NECAB2: variants seen among roughly 807,000 people sequenced by gnomAD.
The protein encoded by NECAB2 is N-terminal EF-hand calcium-binding protein 2.
A neutral mutation model predicts 51.9 loss-of-function variants in NECAB2; 68 were observed. The ratio of observed to expected loss-of-function variants is 1.31; its 90% confidence interval spans 1.08 to 1.60. NECAB2 has a LOEUF of 1.60. Among genes scored for constraint, NECAB2 ranks in the 40% most tolerant of loss-of-function variants. The probability of loss-of-function intolerance (pLI) is 0.00; values close to 1 mark genes in which losing one functional copy is unlikely to be tolerated. For missense variants in NECAB2, 854 were observed against 490.3 expected, an observed-to-expected ratio of 1.74 and a Z score of -7.00; for synonymous variants, 329 against 203.5, an observed-to-expected ratio of 1.62 and a Z score of -5.25.
In NECAB2 at chr16:83,981,932, C is replaced by T. The variant is rs564993255; in HGVS notation, c.459+805C>T. ...CCCAGCCTTGTCTGCCGGTTGAGGC[C>T]GGGGAACTTAGCTGATAAAGCCAGC... On this transcript the variant is annotated intron_variant, in intron 5 of 12. Transcript: ENST00000305202. 1.2e-4 allele frequency among the ~76,000 whole-genome samples: 19 copies of T among 152,224 alleles called. No homozygotes were observed. In the South Asian group the frequency reaches 1.5e-3, roughly 12 times the overall value.
rs781682532 is a variant in NECAB2 at position 84,002,300 on chromosome 16, G to GTGTC, written c.1133-16_1133-13dup. On this transcript the variant is annotated splice_polypyrimidine_tract_variant and intron_variant, in intron 12 of 12. Coordinates refer to ENST00000305202, the MANE Select transcript of NECAB2 (RefSeq NM_019065.3). ...CACATTCGCACTCCTTCCCTCTAAC[G>GTGTC]TGTCTCTCTCCTTTTAGCTGCTTGG... The GTGTC allele has an allele frequency of 6.2e-7, 1 of 1,613,714 alleles. No homozygotes were observed. Among genetic ancestry groups the GTGTC allele is most frequent in the East Asian group, 2.2e-5 (1 of 44,848 alleles).
rs2084483757 is a variant in NECAB2, at chr16:83,981,137, T to G, written c.459+10T>G. The G allele has an allele frequency of 6.2e-7, 1 of 1,604,914 alleles. No individual in the cohort carries two copies. Among genetic ancestry groups the G allele is most frequent in the East Asian group, 2.2e-5 (1 of 44,804 alleles). On this transcript the variant is annotated intron_variant, in intron 5 of 12. Transcript: ENST00000305202. ...GGGTTATACCAAGAAGGTCAGTGGGTGTAGGTGGCCCCCGGGGTCCAGGGC... is the reference window on the plus strand; with the variant it reads ...GGGTTATACCAAGAAGGTCAGTGGGGGTAGGTGGCCCCCGGGGTCCAGGGC...
chr16:83,999,950 A>C (rs145401281), intron 10 of NECAB2, among the ~76,000 whole-genome samples: 119 of 152,288 alleles, frequency 7.8e-4, no homozygotes, highest in African/African-American at 2.8e-3. Flanking sequence ...GTAGTAGTGG[A>C]AGCTCAGCTC....
intron 11 of NECAB2, 45 bp downstream of exon 11, chr16:84,000,846 G>T (rs2084816840): frequency 1.4e-6 from 2 of 1,387,200 alleles, no homozygotes; most frequent in Non-Finnish European, 2.0e-6. Context: ...ACAGAGGGAA[G>T]TGGGGGGGCT....
chr16:83,965,291 C>G (rs778309063), upstream of NECAB2: 1 of 1,600,968 alleles, frequency 6.2e-7, no homozygotes, highest in Non-Finnish European at 8.5e-7. Context: ...GCTGTGGGCC[C>G]GCAACGTGGT....
In NECAB2 at chr16:83,971,926, G is replaced by T. The variant is rs555112647; in HGVS notation, c.202-225G>T. Reference sequence around the variant, plus strand: ...TGGCTGGGAGCAGGCTGGTGGTACTGGCAGCCGCTTCCACGTGGGTGAGGG... The same window carrying T: ...TGGCTGGGAGCAGGCTGGTGGTACTTGCAGCCGCTTCCACGTGGGTGAGGG... On this transcript the variant is annotated intron_variant, in intron 1 of 12. Transcript: ENST00000305202. The T allele has an allele frequency of 1.8e-4, 112 of 613,710 alleles. No homozygotes were observed. The East Asian group carries it at 3.0e-3, about 17-fold the overall frequency. The allele number at this position is 613,710 out of a possible 1,614,324, so 38.0% of individuals were successfully genotyped here.
Position 84,002,053 on chromosome 16 carries a change from C to G in NECAB2, c.1132+137C>G, listed in dbSNP as rs942688755. 8 of 1,122,656 alleles carry G rather than the reference C, an allele frequency of 7.1e-6. No homozygotes were observed. In the African/African-American group the frequency reaches 1.1e-4, roughly 15 times the overall value. 69.5% of individuals were successfully genotyped at this position (1,122,656 alleles called of 1,614,324 possible). ...GTCAGCTCCTGCCACCAATGCCAGG[C>G]TCAGAGCCAGCCCTGAGGTGGCCCC... On this transcript the variant is annotated intron_variant, in intron 12 of 12. Coordinates refer to ENST00000305202, the MANE Select transcript of NECAB2 (RefSeq NM_019065.3).
chr16:83,981,997 C>G lies in NECAB2; in HGVS notation c.459+870C>G, dbSNP rs1253336503. On this transcript the variant is annotated intron_variant, in intron 5 of 12. Transcript: ENST00000305202. ...GGATCTGAGCTGGTTATTTCCCTTT[C>G]TGAGCCTCAGTTTTTCCATCTGTGA... 2.6e-5 allele frequency among the ~76,000 whole-genome samples: 4 copies of G among 152,194 alleles called. No individual in the cohort carries two copies. The South Asian group carries it at 6.2e-4, about 24-fold the overall frequency.
chr16:83,987,776 T>G (rs1567671505), intron 5 of NECAB2, among the ~76,000 whole-genome samples: 1 of 152,220 alleles, frequency 6.6e-6, no homozygotes, highest in Non-Finnish European at 1.5e-5. Flanking sequence ...GTCCATATTT[T>G]GCACTATTTC....
chr16:83,997,479 C>CTTTTTTTT (rs11296947), intron 9 of NECAB2, among the ~76,000 whole-genome samples: 2 of 53,230 alleles, frequency 3.8e-5, no homozygotes, highest in Non-Finnish European at 6.5e-5. Flanking sequence ...CTCCCTGGAC[C>CTTTTTTTT]TTTTTTTTTT....
intron 2 of NECAB2, among the ~76,000 whole-genome samples, chr16:83,975,016 A>G (rs1344655304): frequency 1.5e-5 from 2 of 132,074 alleles, no homozygotes; most frequent in Admixed American, 7.7e-5. Context: ...GTGTGCAGGG[A>G]TGAGAGCAGG....
chr16:83,997,153 C>G (rs537480193), intron 8 of NECAB2, 63 bp from the exon 9 acceptor site: 10 of 1,608,262 alleles, frequency 6.2e-6, no homozygotes, highest in African/African-American at 4.0e-5. Context: ...TCCCAGAGCT[C>G]CTGGCTCCCC....
chr16:83,984,152 C>T (rs1030706900), intron 5 of NECAB2, among the ~76,000 whole-genome samples: 3 of 151,938 alleles, frequency 2.0e-5, no homozygotes, highest in East Asian at 3.9e-4. Flanking sequence ...CCCGCTACTA[C>T]GCCTGGCTAA....
At chr16:83,997,129 A>T in intron 8 of NECAB2, 87 bp from the exon 9 acceptor site, 1 of 1,556,626 alleles carries the variant, frequency 6.4e-7, no homozygotes, top group Admixed American at 1.7e-5. Flanking sequence ...GGGAGCTCCC[A>T]ACAGCCCCAG....
Position 83,994,409 on chromosome 16 carries a change from C to T in NECAB2, c.704C>T (p.Thr235Ile). ...CTCATGGCTATGGAACAAGGCAAGACCCTTCCATCTGGTGAGAGAAAGCGG... is the reference window on the plus strand; with the variant it reads ...CTCATGGCTATGGAACAAGGCAAGATCCTTCCATCTGGTGAGAGAAAGCGG... Reference protein sequence around the residue: ...HKLMAMEQGKTLPSATEDAKE... With the variant: ...HKLMAMEQGKILPSATEDAKE... The change falls in exon 7 of 13, where the codon ACC becomes ATC. Residue 235 changes from threonine to isoleucine, a missense_variant. By Grantham distance (89) the Thr-to-Ile change is moderately conservative. Coordinates refer to ENST00000305202, the MANE Select transcript of NECAB2 (RefSeq NM_019065.3). 2 of 1,613,866 alleles carry T rather than the reference C, an allele frequency of 1.2e-6. No homozygotes were observed. The highest frequency in any genetic ancestry group is 1.7e-6 in the Non-Finnish European group (2 of 1,179,902).
At chr16:83,970,770 C>G (rs1465351038) in intron 1 of NECAB2, among the ~76,000 whole-genome samples, 1 of 152,140 alleles carries the variant, frequency 6.6e-6, no homozygotes, top group African/African-American at 2.4e-5. Context: ...TGGGGGCCAC[C>G]GCAGAAGCTG....
chr16:83,967,062 G>A (rs2084289088), upstream of NECAB2, among the ~76,000 whole-genome samples: 1 of 152,130 alleles, frequency 6.6e-6, no homozygotes, highest in Non-Finnish European at 1.5e-5. Context: ...AATAGAGACG[G>A]GGTTTCACCA....
rs184294411 is a variant in NECAB2 at position 83,991,848 on chromosome 16, G to T, written c.596+1218G>T. ...TTTTTTTTTTTTTTGTAGAGACGGG[G>T]TCTCGCCATGTTGGCCAGGCTGTTC... On this transcript the variant is annotated intron_variant, in intron 6 of 12. Coordinates refer to ENST00000305202, the MANE Select transcript of NECAB2 (RefSeq NM_019065.3). Among the ~76,000 whole-genome samples, 272 of 148,980 alleles carry T rather than the reference G, an allele frequency of 1.8e-3. 1 individual carries two copies. The highest frequency in any genetic ancestry group is 3.1e-3 in the Non-Finnish European group (206 of 67,504).
intron 7 of NECAB2, 48 bp from the exon 8 acceptor site, chr16:83,994,561 C>G: frequency 3.7e-6 from 6 of 1,611,730 alleles, no homozygotes; most frequent in Non-Finnish European, 4.2e-6. Context: ...CCCCGAAGCC[C>G]TCGTCCTGCC....
Sources: gnomAD v4.1 joint callset for allele counts (sites outside exome capture counted in the v4.1 genomes callset) on GRCh38, gnomAD v4.1.1 for gene constraint, MANE v1.5 for transcripts, NCBI Gene and HGNC (gene_info 2026-07-23, HGNC 2026-07-21) for gene names.